TRAPPC10: variants seen among roughly 807,000 people sequenced by gnomAD.
The protein encoded by TRAPPC10 is TRAPP 130 kDa subunit.
TRAPPC10 carries 23 observed loss-of-function variants against 125.5 expected under a neutral mutation model. The observed-to-expected ratio is 0.18, with a 90% CI of 0.13 to 0.26. The LOEUF is 0.26. Ranked by LOEUF, TRAPPC10 falls within the 10% of genes least tolerant of loss-of-function variation. The pLI, the probability that TRAPPC10 is intolerant of heterozygous loss-of-function variation, is 1.00. For synonymous variants in TRAPPC10, 509 were observed against 518.0 expected, an observed-to-expected ratio of 0.98 and a Z score of 0.24; for missense variants, 1,123 against 1,308.4, an observed-to-expected ratio of 0.86 and a Z score of 2.19.
chr21:44,052,190 G>T (rs1015072299), intron 3 of TRAPPC10, 90 bp from the exon 4 acceptor site: 4 of 1,102,506 alleles, frequency 3.6e-6, no homozygotes, highest in Admixed American at 2.5e-5. Context: ...AAAACATTGC[G>T]GCCTTTGCAG....
intron 1 of TRAPPC10, among the ~76,000 whole-genome samples, chr21:44,030,972 C>T (rs2033530349): frequency 6.6e-6 from 1 of 152,154 alleles, no homozygotes; most frequent in Admixed American, 6.6e-5. Flanking sequence ...CTCATTTTCC[C>T]ATTTCCCATG....
intron 4 of TRAPPC10, among the ~76,000 whole-genome samples, chr21:44,053,166 G>A (rs1039084984): frequency 1.3e-5 from 2 of 152,162 alleles, no homozygotes; most frequent in African/African-American, 4.8e-5. Flanking sequence ...TGGTCACCAT[G>A]CTTATGGTGG....
At chr21:44,074,927 A>C (rs2037162891) in intron 8 of TRAPPC10, 112 bp from the exon 9 acceptor site, 2 of 790,098 alleles carry the variant, frequency 2.5e-6, no homozygotes, top group South Asian at 3.6e-5. Flanking sequence ...TTGGGTAGGA[A>C]AGCTAAATTT....
chr21:44,041,418 C>T (rs2034410600), intron 3 of TRAPPC10, among the ~76,000 whole-genome samples: 1 of 151,886 alleles, frequency 6.6e-6, no homozygotes, highest in Admixed American at 6.6e-5. Context: ...CTCTTCTTGC[C>T]CAGGCTGGAG....
chr21:44,086,353 A>G (rs1300708663), intron 15 of TRAPPC10, among the ~76,000 whole-genome samples: 2 of 152,180 alleles, frequency 1.3e-5, no homozygotes, highest in Non-Finnish European at 2.9e-5. Flanking sequence ...GACTGTTCTT[A>G]ACCCAAAAGC....
At chr21:44,062,446 G>T in intron 6 of TRAPPC10, 1 of 635,704 alleles carries the variant, frequency 1.6e-6, no homozygotes, top group Non-Finnish European at 2.0e-6. Flanking sequence ...ATGTGCCATT[G>T]GAGCTTAGAT....
At position 44,052,302 on chromosome 21, in the gene TRAPPC10, C is replaced by T. The variant is rs150083748; in HGVS notation, c.308C>T (p.Thr103Ile). Residue 103 changes from threonine to isoleucine, a missense_variant, in exon 4 of 23, where the codon ACA (threonine) becomes ATA (isoleucine). By Grantham distance (89) the Thr-to-Ile change is moderately conservative (BLOSUM62 -1). Coordinates refer to ENST00000291574, the MANE Select transcript of TRAPPC10 (RefSeq NM_003274.5). ...ECCDTEVYKATVKDDLTKWQN... is the reference protein window; with the variant it reads ...ECCDTEVYKAIVKDDLTKWQN... The stretch of plus-strand genomic sequence containing the variant: ...TAGGATACCGAAGTGTATAAAGCTA[C>T]AGTAAAAGATGACCTCACCAAGTGG... The T allele has an allele frequency of 1.2e-6, 2 of 1,601,272 alleles. No individual in the cohort carries two copies. The highest frequency in any genetic ancestry group is 1.7e-6 in the Non-Finnish European group (2 of 1,176,588).
chr21:44,059,088 A>G lies in TRAPPC10; in HGVS notation c.679-15A>G. 6.4e-7 allele frequency: 1 copy of G among 1,572,946 alleles called. No individual in the cohort carries two copies. Among genetic ancestry groups the G allele is most frequent in the Non-Finnish European group, 8.6e-7 (1 of 1,161,700 alleles). On this transcript the variant is annotated splice_polypyrimidine_tract_variant and intron_variant, in intron 5 of 22. Transcript: ENST00000291574. The surrounding 1 kb of genome is among the most constrained non-coding windows in gnomAD (Gnocchi z 4.4). ...ATGTTTTTGTTTTTTTAAAAAACGT[A>G]TCTTGGGCGAATAGGAGGAGCTTGC...
At chr21:44,043,646 T>C (rs1569160800) in intron 3 of TRAPPC10, among the ~76,000 whole-genome samples, 1 of 152,220 alleles carries the variant, frequency 6.6e-6, no homozygotes, top group Non-Finnish European at 1.5e-5. Flanking sequence ...CCATCCCACA[T>C]GCTCCTCTCT....
chr21:44,062,889 G>A, intron 6 of TRAPPC10: 1 of 985,370 alleles, frequency 1.0e-6, no homozygotes, highest in Non-Finnish European at 1.2e-6. Context: ...TTTCAATAAT[G>A]ATTGATGGAC....
At chr21:44,028,750 G>A (rs1365696343) in intron 1 of TRAPPC10, among the ~76,000 whole-genome samples, 2 of 152,212 alleles carry the variant, frequency 1.3e-5, no homozygotes, top group Non-Finnish European at 2.9e-5. Context: ...ATAGCCTCCT[G>A]AGGCAGAACA....
intron 5 of TRAPPC10, among the ~76,000 whole-genome samples, chr21:44,058,593 G>A (rs1268955345): frequency 6.6e-6 from 1 of 152,240 alleles, no homozygotes; most frequent in Non-Finnish European, 1.5e-5. Context: ...ACACAAGCGT[G>A]CTGTGCCTGC....
intron 7 of TRAPPC10, among the ~76,000 whole-genome samples, chr21:44,072,695 C>G (rs570824996): frequency 4.2e-4 from 64 of 152,294 alleles, no homozygotes; most frequent in African/African-American, 1.5e-3. Context: ...AACTCCTGAC[C>G]TCAGGTGATC....
intron 1 of TRAPPC10, among the ~76,000 whole-genome samples, chr21:44,020,095 T>C (rs1452036247): frequency 1.3e-5 from 2 of 152,108 alleles, no homozygotes; most frequent in African/African-American, 4.8e-5. Flanking sequence ...GACCATTCCA[T>C]TGTATGTTTG....
chr21:44,061,180 A>G (rs2036024067), intron 6 of TRAPPC10, among the ~76,000 whole-genome samples: 1 of 152,150 alleles, frequency 6.6e-6, no homozygotes, highest in Non-Finnish European at 1.5e-5. Flanking sequence ...TCTGTAGCCC[A>G]GGCTGGAGTG....
chr21:44,013,786 G>A (rs540881866), intron 1 of TRAPPC10, among the ~76,000 whole-genome samples: 1 of 152,294 alleles, frequency 6.6e-6, no homozygotes, highest in South Asian at 2.1e-4. Flanking sequence ...GAAGTGGACT[G>A]TGTCTCATTT....
At chr21:44,083,328 CT>C in intron 14 of TRAPPC10, 26 bp downstream of exon 14, 1 of 1,600,062 alleles carries the variant, frequency 6.2e-7, no homozygotes, top group Non-Finnish European at 8.5e-7. Context: ...GGGAACTTGA[CT>C]TTCAAGTTTG....
At chr21:44,035,298 T>G (rs541981996) in intron 2 of TRAPPC10, among the ~76,000 whole-genome samples, 10 of 152,310 alleles carry the variant, frequency 6.6e-5, no homozygotes, top group Admixed American at 1.3e-4. Flanking sequence ...CACCAGATGC[T>G]GGCACCTTGA....
rs561411661 is a variant in TRAPPC10, at chr21:44,093,755, T to G, written c.2998-308T>G. Among the ~76,000 whole-genome samples the G allele has an allele frequency of 1.4e-4, 22 of 152,230 alleles. No individual in the cohort carries two copies. In the South Asian group the frequency reaches 4.6e-3, roughly 32 times the overall value. ...CCTGGGCGACAAAGCGAGACTCCAT[T>G]TCAAAAAGAAAAAAAAATTAAGCTA... On this transcript the variant is annotated intron_variant, in intron 19 of 22. Transcript: ENST00000291574.
Sources: gnomAD v4.1 joint callset for allele counts (sites outside exome capture counted in the v4.1 genomes callset) on GRCh38, gnomAD v4.1.1 for gene constraint, Gnocchi (gnomAD v3.1) non-coding constraint, MANE v1.5 for transcripts, NCBI Gene and HGNC (gene_info 2026-07-23, HGNC 2026-07-21) for gene names.